Variants in MROH7 observed in about 807,000 individuals in gnomAD.
MROH7 encodes the protein maestro heat-like repeat-containing protein family member 7.
A neutral mutation model predicts 129.2 loss-of-function variants in MROH7; 113 were observed. That is an observed-to-expected ratio of 0.87 (90% confidence interval 0.75 to 1.02). The LOEUF (loss-of-function observed/expected upper bound fraction) is 1.02, where lower values mean the gene tolerates loss of function less well. MROH7 is among the 50% of genes least tolerant of loss of function. MROH7 has a pLI of 0.00. For synonymous variants in MROH7, 655 were observed against 667.9 expected, an observed-to-expected ratio of 0.98 and a Z score of 0.30; for missense variants, 1,601 against 1,671.3, an observed-to-expected ratio of 0.96 and a Z score of 0.73.
intron 14 of MROH7, among the ~76,000 whole-genome samples, chr1:54,684,809 G>T (rs1645122027): frequency 6.6e-6 from 1 of 152,210 alleles, no homozygotes. Context: ...GATAACTCCT[G>T]CATTGTCTAT....
intron 22 of MROH7, among the ~76,000 whole-genome samples, chr1:54,708,262 C>T (rs545398583): frequency 6.6e-6 from 1 of 152,184 alleles, no homozygotes; most frequent in South Asian, 2.1e-4. Context: ...CTACAAAAAA[C>T]AGATACTTAA....
intron 3 of MROH7, chr1:54,659,098 G>T (rs944320740): frequency 4.6e-6 from 2 of 438,398 alleles, no homozygotes; most frequent in East Asian, 7.7e-5. Context: ...TTGTTTGTTT[G>T]TTTTGTTTTT....
chr1:54,702,908 C>T (rs1645463418), intron 21 of MROH7, among the ~76,000 whole-genome samples, 163 bp downstream of exon 21: 1 of 152,154 alleles, frequency 6.6e-6, no homozygotes, highest in Admixed American at 6.5e-5. Flanking sequence ...TCTCTCCTGA[C>T]TTCTAGTGTG....
At chr1:54,682,090 G>A (rs915438722) in intron 13 of MROH7, among the ~76,000 whole-genome samples, 13 of 151,946 alleles carry the variant, frequency 8.6e-5, no homozygotes, top group Admixed American at 1.3e-4. Context: ...ATCTGCCGAA[G>A]TAATACATTG....
In MROH7 at chr1:54,653,117, C is replaced by G. The variant is rs150191046; in HGVS notation, c.191C>G (p.Ser64Cys). The change falls in exon 3 of 24, where the codon TCT becomes TGT. Residue 64 changes from serine to cysteine, a missense_variant. Ser to Cys is a moderately radical substitution (Grantham distance 112, BLOSUM62 -1). Coordinates refer to ENST00000421030, the MANE Select transcript of MROH7 (RefSeq NM_001039464.4). ...GCTCTCGTTCCAGATCTTAATGATTCTTTGAGTCCAGTCTCAGGGGAGGCC... is the reference window on the plus strand; with the variant it reads ...GCTCTCGTTCCAGATCTTAATGATTGTTTGAGTCCAGTCTCAGGGGAGGCC... ...GLALVPDLND[S>C]LSPVSGEASG... is the part of the protein sequence containing the mutation. 824 of 1,614,186 alleles carry G rather than the reference C, an allele frequency of 5.1e-4. 8 individuals carry two copies. In the African/African-American group the frequency reaches 8.2e-3, roughly 16 times the overall value.
intron 17 of MROH7, chr1:54,699,159 T>TTTTCTTTTCTTTCTTTCTTTC (rs1645384713): frequency 1.5e-5 from 1 of 65,920 alleles, no homozygotes; most frequent in African/African-American, 5.7e-5. Context: ...TCTTTCTTTC[T>TTTTCTTTTCTTTCTTTCTTTC]TTTCTTTCTT....
At chr1:54,689,443 G>T (rs1417430589) in intron 15 of MROH7, among the ~76,000 whole-genome samples, 2 of 152,194 alleles carry the variant, frequency 1.3e-5, no homozygotes, top group Non-Finnish European at 2.9e-5. Flanking sequence ...GTGGTGATTT[G>T]TACAGGAAAT....
At chr1:54,701,872 GTTT>G (rs34319524) in intron 19 of MROH7, among the ~76,000 whole-genome samples, 1 of 148,054 alleles carries the variant, frequency 6.8e-6, no homozygotes, top group East Asian at 2.0e-4. Flanking sequence ...CACCTGGCCA[GTTT>G]TTTTTTTTTC....
At chr1:54,674,247 C>G in intron 10 of MROH7, 96 bp downstream of exon 10, 2 of 1,414,742 alleles carry the variant, frequency 1.4e-6, no homozygotes, top group Non-Finnish European at 1.9e-6. Flanking sequence ...CATTAAGGCA[C>G]TGGTGGGAGA....
At chr1:54,693,693 A>G (rs1254272401) in intron 16 of MROH7, among the ~76,000 whole-genome samples, 1 of 152,166 alleles carries the variant, frequency 6.6e-6, no homozygotes, top group African/African-American at 2.4e-5. Context: ...CTTGATTCCA[A>G]TGCTGTGACT....
intron 21 of MROH7, 138 bp downstream of exon 21, chr1:54,702,883 T>C: frequency 9.7e-7 from 1 of 1,030,580 alleles, no homozygotes; most frequent in Non-Finnish European, 1.4e-6. Flanking sequence ...GGAACGTTCC[T>C]CTCCACCTCT....
intron 1 of MROH7, among the ~76,000 whole-genome samples, chr1:54,650,988 G>T (rs1477873156): frequency 6.6e-6 from 1 of 152,136 alleles, no homozygotes; most frequent in Non-Finnish European, 1.5e-5. Context: ...GCCTTCCAAA[G>T]TTCTGGGATT....
At position 54,668,913 on chromosome 1, in the gene MROH7, G is replaced by C; in HGVS notation, c.1365G>C (p.Lys455Asn). Residue 455 changes from lysine to asparagine, a missense_variant, in exon 5 of 24, where the codon AAG (lysine) becomes AAC (asparagine). Coordinates refer to ENST00000421030, the MANE Select transcript of MROH7 (RefSeq NM_001039464.4). Reference sequence around the variant, plus strand: ...ATCTGCTGGAGGCAGAAGGAGAAAAGAAGACCATGATAAAGAAGATTATGG... The same window carrying C: ...ATCTGCTGGAGGCAGAAGGAGAAAACAAGACCATGATAAAGAAGATTATGG... ...SQDLLEAEGE[K>N]KTMIKKIMRQ... 1 of 1,603,760 alleles carries C rather than the reference G, an allele frequency of 6.2e-7. No individual in the cohort carries two copies.
At position 54,682,680 on chromosome 1, in the gene MROH7, GC is replaced by G; in HGVS notation, c.2407del (p.Leu803Ter). 1 of 1,613,952 alleles carries G rather than the reference GC, an allele frequency of 6.2e-7. No individual in the cohort carries two copies. The highest frequency in any genetic ancestry group is 8.5e-7 in the Non-Finnish European group (1 of 1,179,944). On this transcript the variant is annotated frameshift_variant, in exon 14 of 24. Transcript: ENST00000421030. LOFTEE classifies it high-confidence loss of function. Reference protein sequence around the residue: ...NSNGAEMWRQLILCKPSCDVR... With the variant: ...NSNGAEMWRQXILCKPSCDVR... ...GCAATGGAGCAGAGATGTGGAGGCA[GC>G]TGATACTGTGTAAGCCCAGCTGTGA...
intron 17 of MROH7, chr1:54,697,765 C>T (rs1016939290): frequency 4.6e-5 from 31 of 674,480 alleles, no homozygotes; most frequent in African/African-American, 1.8e-4. Flanking sequence ...CTGCCTGACA[C>T]GGTCCTCTAC....
At chr1:54,699,110 C>CTTTCTTTCTTTG (rs1645374565) in intron 17 of MROH7, 1 of 88,952 alleles carries the variant, frequency 1.1e-5, no homozygotes, top group South Asian at 4.3e-4. Context: ...TTCTTTCTTT[C>CTTTCTTTCTTTG]TTTCTTTCTT....
chr1:54,657,189 A>T (rs1347853985), intron 3 of MROH7, among the ~76,000 whole-genome samples: 1 of 151,842 alleles, frequency 6.6e-6, no homozygotes, highest in East Asian at 1.9e-4. Context: ...CTGGGATTAC[A>T]AGCACGTGCC....
chr1:54,687,276 C>T (rs1053477544), intron 15 of MROH7, among the ~76,000 whole-genome samples: 2 of 152,094 alleles, frequency 1.3e-5, no homozygotes, highest in Non-Finnish European at 2.9e-5. Context: ...GGTTTCACCA[C>T]GTTGGCCAGG....
chr1:54,679,260 C>G lies in MROH7; in HGVS notation c.2050-3C>G. 6.2e-7 allele frequency: 1 copy of G among 1,614,022 alleles called. No homozygotes were observed. Among genetic ancestry groups the G allele is most frequent in the Non-Finnish European group, 8.5e-7 (1 of 1,179,964 alleles). On this transcript the variant is annotated splice_region_variant and splice_polypyrimidine_tract_variant and intron_variant, in intron 11 of 23. Coordinates refer to ENST00000421030, the MANE Select transcript of MROH7 (RefSeq NM_001039464.4). ...TGTCATGATCTCAGCACCTTTGTTT[C>G]AGGAATTTGGAGACTTCCTGGGGCC...
Sources: allele counts gnomAD v4.1 joint callset (sites outside exome capture counted in the v4.1 genomes callset), GRCh38; gene constraint gnomAD v4.1.1; transcripts MANE v1.5; gene names NCBI Gene and HGNC (gene_info 2026-07-23, HGNC 2026-07-21).